The following KIF21A variants were observed in gnomAD, a reference collection of about 807,000 sequenced individuals.
KIF21A encodes kinesin-like protein KIF21A.
KIF21A carries 114 observed loss-of-function variants against 202.9 expected under a neutral mutation model. That is an observed-to-expected ratio of 0.56 (90% CI 0.48 to 0.66). The LOEUF is 0.66. Ranked by LOEUF, KIF21A falls within the 30% of genes least tolerant of loss-of-function variation. The pLI is 0.00. For synonymous variants in KIF21A, 667 were observed against 670.8 expected (o/e 0.99, Z 0.09); for missense variants, 1,677 against 1,994.9 (o/e 0.84, Z 3.04).
intron 1 of KIF21A, among the ~76,000 whole-genome samples, chr12:39,415,780 C>G (rs1351618716): frequency 6.6e-6 from 1 of 152,192 alleles, no homozygotes; most frequent in Non-Finnish European, 1.5e-5. Flanking sequence ...TCCCCACCTA[C>G]TCTCTATTCC....
intron 16 of KIF21A, among the ~76,000 whole-genome samples, chr12:39,338,004 T>C (rs1192658318): frequency 6.6e-6 from 1 of 152,162 alleles, no homozygotes; most frequent in Non-Finnish European, 1.5e-5. Flanking sequence ...TTTTTATAGA[T>C]ATTTTGGACT....
chr12:39,387,161 T>TACACACACACACACACACACACACAC (rs3036323), intron 1 of KIF21A, among the ~76,000 whole-genome samples: 1 of 138,160 alleles, frequency 7.2e-6, no homozygotes, highest in African/African-American at 2.7e-5. Flanking sequence ...ATGCAGTAGT[T>TACACACACACACACACACACACACAC]ACACACACAC....
At chr12:39,402,208 G>T (rs1392359799) in intron 1 of KIF21A, among the ~76,000 whole-genome samples, 6 of 152,132 alleles carry the variant, frequency 3.9e-5, no homozygotes, top group Admixed American at 3.3e-4. Context: ...TTACATAAAA[G>T]GATATCTTCT....
intron 25 of KIF21A, 93 bp from the exon 26 acceptor site, chr12:39,325,986 T>A: frequency 1.1e-6 from 1 of 902,102 alleles, no homozygotes; most frequent in Admixed American, 1.9e-5. Context: ...AAAAAATTTA[T>A]ATGCCTATGG....
intron 4 of KIF21A, 79 bp from the exon 5 acceptor site, chr12:39,367,243 T>C: frequency 6.9e-7 from 1 of 1,446,462 alleles, no homozygotes; most frequent in Non-Finnish European, 9.7e-7. Flanking sequence ...AGGTAATGGC[T>C]AAAACCCACC....
chr12:39,314,387 T>C (rs1408325953), intron 31 of KIF21A, among the ~76,000 whole-genome samples: 1 of 151,786 alleles, frequency 6.6e-6, no homozygotes, highest in Admixed American at 6.6e-5. Flanking sequence ...CATTTGGAAA[T>C]TTTGATGTCT....
Position 39,309,785 on chromosome 12 carries a change from A to C in KIF21A, c.4097-19T>G. The C allele has an allele frequency of 6.2e-7, 1 of 1,606,664 alleles. No individual in the cohort carries two copies. Among genetic ancestry groups the C allele is most frequent in the Non-Finnish European group, 8.5e-7 (1 of 1,175,676 alleles). ...GTACGATCTAAAACAAACACATAAA[A>C]AAAAGAAAACACCATTAATATGAAC... is the stretch of plus-strand genomic sequence containing the variant. On this transcript the variant is annotated intron_variant, in intron 32 of 37. Coordinates refer to ENST00000361418, the MANE Select transcript of KIF21A (RefSeq NM_001173464.2).
chr12:39,376,496 G>T (rs1353098116), intron 1 of KIF21A, among the ~76,000 whole-genome samples: 1 of 152,050 alleles, frequency 6.6e-6, no homozygotes, highest in Admixed American at 6.5e-5. Flanking sequence ...TAAAGCTGGG[G>T]ATTAAATTGT....
intron 1 of KIF21A, among the ~76,000 whole-genome samples, chr12:39,427,947 C>T (rs1283929150): frequency 3.3e-5 from 5 of 152,186 alleles, no homozygotes; most frequent in Non-Finnish European, 1.5e-5. Context: ...GCATGAGCCA[C>T]CCGCGCCCAG....
At chr12:39,428,725 C>T (rs941218681) in intron 1 of KIF21A, among the ~76,000 whole-genome samples, 9 of 151,952 alleles carry the variant, frequency 5.9e-5, no homozygotes, top group Non-Finnish European at 2.9e-5. Flanking sequence ...TTTGGGAGGC[C>T]GAGGTGGGCG....
intron 17 of KIF21A, among the ~76,000 whole-genome samples, chr12:39,334,200 C>CA (rs576176350): frequency 0.013 from 811 of 63,082 alleles, 6 homozygotes; most frequent in African/African-American, 0.015. Context: ...GACTCCATCT[C>CA]AAAAAAAAAA....
chr12:39,367,803 A>C (rs994406641), intron 4 of KIF21A, 80 bp downstream of exon 4: 1 of 1,096,324 alleles, frequency 9.1e-7, no homozygotes, highest in South Asian at 1.3e-5. Context: ...TCATATCTTG[A>C]TCTTAAGCAG....
intron 4 of KIF21A, 88 bp downstream of exon 4, chr12:39,367,795 A>G (rs1949697957): frequency 4.9e-6 from 5 of 1,017,866 alleles, no homozygotes; most frequent in Middle Eastern, 2.2e-4. Context: ...TATAAATTTC[A>G]TATCTTGATC....
intron 17 of KIF21A, among the ~76,000 whole-genome samples, chr12:39,336,248 A>G (rs1035665735): frequency 1.3e-5 from 2 of 152,132 alleles, no homozygotes; most frequent in Non-Finnish European, 2.9e-5. Context: ...AAAAAAAATC[A>G]TAACTATAAT....
rs185892548 is a variant in KIF21A at position 39,309,414 on chromosome 12, T to C, written c.4277+172A>G. ...CTCTTATATTTCATTTGTCAAATTT[T>C]CCCCCCTCTTATCTGTGCTTTTCTT... On this transcript the variant is annotated intron_variant, in intron 33 of 37. Transcript: ENST00000361418. Among the ~76,000 whole-genome samples, 373 of 152,066 alleles carry C rather than the reference T, an allele frequency of 2.5e-3. 1 individual carries two copies. Among genetic ancestry groups the C allele is most frequent in the South Asian group, 8.5e-3 (41 of 4,816 alleles).
In KIF21A at chr12:39,302,990, T is replaced by C. The variant is rs771343710; in HGVS notation, c.4706A>G (p.Asp1569Gly). 6.2e-7 allele frequency: 1 copy of C among 1,614,016 alleles called. No individual in the cohort carries two copies. The highest frequency in any genetic ancestry group is 1.1e-5 in the South Asian group (1 of 91,078). The change falls in exon 36 of 38, where the codon GAC becomes GGC. Residue 1569 changes from aspartate (D) to glycine (G), a missense_variant. Coordinates refer to ENST00000361418, the MANE Select transcript of KIF21A (RefSeq NM_001173464.2). ...CTGAAGAAGGTCTTTTTGAGTTAAG[T>C]CCCATTTCTTGATTCCATTATCTCT... ...GSRDNGIKKW[D>G]LTQKDLLQQV...
chr12:39,302,355 C>A (rs1322901279), intron 36 of KIF21A, among the ~76,000 whole-genome samples: 3 of 152,104 alleles, frequency 2.0e-5, no homozygotes, highest in Non-Finnish European at 4.4e-5. Context: ...CTGCTGATTA[C>A]AAGCAGGAAA....
intron 34 of KIF21A, among the ~76,000 whole-genome samples, chr12:39,305,383 A>C (rs1004038123): frequency 6.6e-6 from 1 of 151,488 alleles, no homozygotes; most frequent in Non-Finnish European, 1.5e-5. Flanking sequence ...AAAAAAAAAA[A>C]AAAAAACAGA....
chr12:39,413,441 A>G (rs1953278806), intron 1 of KIF21A, among the ~76,000 whole-genome samples: 4 of 152,202 alleles, frequency 2.6e-5, no homozygotes, highest in Admixed American at 1.3e-4. Flanking sequence ...TACTTAAAAG[A>G]GGTTCCTTGG....
Sources: gnomAD v4.1 joint callset for allele counts (sites outside exome capture counted in the v4.1 genomes callset) on GRCh38, gnomAD v4.1.1 for gene constraint, MANE v1.5 for transcripts, NCBI Gene and HGNC (gene_info 2026-07-23, HGNC 2026-07-21) for gene names.